Variants in TSFM observed in about 807,000 individuals in gnomAD.
TSFM encodes the protein Ts translation elongation factor, mitochondrial, also known as elongation factor Ts, mitochondrial.
In TSFM, 29 loss-of-function variants were observed where a neutral mutation model predicts 33.4. That is an observed-to-expected ratio of 0.87 (90% confidence interval 0.65 to 1.18). The LOEUF (loss-of-function observed/expected upper bound fraction) is 1.18, where lower values mean the gene tolerates loss of function less well. TSFM is among the 50% of genes most tolerant of loss of function. TSFM has a pLI of 0.00. For synonymous variants in TSFM, 178 were observed against 163.5 expected (o/e 1.09, Z -0.68); for missense variants, 394 against 395.6 (o/e 1.00, Z 0.04).
chr12:57,802,140 TC>T (rs1220502552), downstream of TSFM: 2 of 1,612,778 alleles, frequency 1.2e-6, no homozygotes, highest in Non-Finnish European at 1.7e-6. Flanking sequence ...AGTTAGAGCT[TC>T]CCTACTCTCT....
chr12:57,787,012 A>G (rs1955599376), intron 3 of TSFM, 28 bp from the exon 4 acceptor site: 1 of 1,609,692 alleles, frequency 6.2e-7, no homozygotes, highest in Non-Finnish European at 8.5e-7. Context: ...TAAACAGCTT[A>G]TACAGCTATA....
downstream of TSFM, among the ~76,000 whole-genome samples, chr12:57,798,866 C>T (rs1429854688): frequency 3.3e-5 from 5 of 152,128 alleles, no homozygotes; most frequent in African/African-American, 4.8e-5. Flanking sequence ...CCACCCACCT[C>T]ACCCTCCCAA....
Position 57,797,258 on chromosome 12 carries a change from A to G in TSFM, c.*675A>G, listed in dbSNP as rs1955754804. The G allele has an allele frequency of 4.1e-6, 4 of 985,352 alleles. No individual in the cohort carries two copies. Among genetic ancestry groups the G allele is most frequent in the Non-Finnish European group, 3.6e-6 (3 of 829,952 alleles). 61.0% of individuals were successfully genotyped at this position (985,352 alleles called of 1,614,324 possible). On this transcript the variant is annotated 3_prime_UTR_variant, in exon 6 of 6. Transcript: ENST00000652027. ...CCAGAAACAGAAATTAGAGTAGTCC[A>G]GTTACCCAGAGAGCTCACTTAACAT...
chr12:57,789,224 A>G (rs757963761), intron 4 of TSFM, among the ~76,000 whole-genome samples: 15 of 152,050 alleles, frequency 9.9e-5, no homozygotes, highest in South Asian at 2.1e-4. Flanking sequence ...TGGGCCTCCC[A>G]AAGTGCTGGG....
At chr12:57,795,966 A>G (rs1251102613) in intron 5 of TSFM, among the ~76,000 whole-genome samples, 1 of 152,108 alleles carries the variant, frequency 6.6e-6, no homozygotes, top group East Asian at 1.9e-4. Flanking sequence ...TCATAAAGGT[A>G]TTCTTCACTT....
chr12:57,797,602 C>G, downstream of TSFM: 2 of 929,062 alleles, frequency 2.2e-6, no homozygotes, highest in South Asian at 5.1e-5. Flanking sequence ...GGTTCTCTTT[C>G]TTTTGATTTC....
At chr12:57,784,363 A>G (rs1225327546) in intron 2 of TSFM, among the ~76,000 whole-genome samples, 2 of 152,218 alleles carry the variant, frequency 1.3e-5, no homozygotes, top group African/African-American at 2.4e-5. Flanking sequence ...GTAGACGTTA[A>G]AGCACAGTAC....
In TSFM at chr12:57,783,257, G is replaced by C; in HGVS notation, c.205G>C (p.Glu69Gln). 1 of 1,613,930 alleles carries C rather than the reference G, an allele frequency of 6.2e-7. No individual in the cohort carries two copies. Among genetic ancestry groups the C allele is most frequent in the South Asian group, 1.1e-5 (1 of 91,090 alleles). Residue 69 changes from glutamate to glutamine, a missense_variant, in exon 2 of 6, where the codon GAG becomes CAG. By Grantham distance (29) the Glu-to-Gln change is conservative (BLOSUM62 2). This residue lies in a region of TSFM where 208 missense variants were observed against 180.4 expected (regional missense o/e 1.15). Transcript: ENST00000652027. ...CTTTGTAAATTGCAAGAAAGCTCTG[G>C]AGACTTGTGGCGGGGACCTCAAACA... The part of the protein sequence containing the change: ...YSFVNCKKAL[E>Q]TCGGDLKQAE...
intron 4 of TSFM, among the ~76,000 whole-genome samples, chr12:57,791,518 T>C (rs1401986577): frequency 1.3e-5 from 2 of 152,242 alleles, no homozygotes; most frequent in African/African-American, 2.4e-5. Flanking sequence ...AGCATATTTA[T>C]ACAAATAGTT....
chr12:57,792,955 C>A, intron 4 of TSFM, 31 bp from the exon 5 acceptor site: 1 of 1,591,894 alleles, frequency 6.3e-7, no homozygotes, highest in Non-Finnish European at 8.6e-7. Flanking sequence ...AGTACAGAAT[C>A]AGTTCATGTT....
At chr12:57,799,685 C>T, downstream of TSFM, 2 of 1,478,390 alleles carry the variant, frequency 1.4e-6, no homozygotes, top group Non-Finnish European at 1.8e-6. Flanking sequence ...GCTCAGATGT[C>T]CATTGAGCGG....
Position 57,786,069 on chromosome 12 carries a change from T to A in TSFM, c.232-94T>A, listed in dbSNP as rs556684930. On this transcript the variant is annotated intron_variant, in intron 2 of 5. Transcript: ENST00000652027. ...ATTACTTTAGTTTCTGTTAGAGAAT[T>A]TAGAGAATCAGGAAACCTGAGTATA... 4.3e-6 allele frequency: 6 copies of A among 1,380,440 alleles called. No individual in the cohort carries two copies. In the Admixed American group the frequency reaches 1.2e-4, roughly 28 times the overall value. 85.5% of individuals were successfully genotyped at this position (1,380,440 alleles called of 1,614,324 possible). A position where few individuals can be genotyped will look rare whatever the true frequency, so the allele number is the denominator to read the frequency against.
At chr12:57,799,700 A>G (rs1030805360), downstream of TSFM, 1 of 1,543,788 alleles carries the variant, frequency 6.5e-7, no homozygotes, top group Non-Finnish European at 8.8e-7. Flanking sequence ...GAGCGGCTAC[A>G]ATGTGCCGGA....
chr12:57,798,086 G>A (rs560190779), downstream of TSFM: 6 of 817,934 alleles, frequency 7.3e-6, no homozygotes, highest in African/African-American at 1.7e-5. Context: ...GGGAGTTCTA[G>A]GTGGATCCTT....
intron 2 of TSFM, chr12:57,784,059 G>T: frequency 1.4e-6 from 1 of 702,864 alleles, no homozygotes; most frequent in Non-Finnish European, 2.6e-6. Context: ...CACAAACCTA[G>T]ATGGTATATT....
chr12:57,802,012 G>GA, downstream of TSFM: 1 of 919,754 alleles, frequency 1.1e-6, no homozygotes, highest in Admixed American at 2.9e-5. Context: ...AAAAAGAGGA[G>GA]AAAAGTAAAA....
rs373254431 is a variant in TSFM at position 57,783,171 on chromosome 12, T to A, written c.119T>A (p.Leu40Gln). The A allele has an allele frequency of 6.2e-7, 1 of 1,613,560 alleles. No individual in the cohort carries two copies. Among genetic ancestry groups the A allele is most frequent in the Non-Finnish European group, 8.5e-7 (1 of 1,179,900 alleles). ...CACACATTTTATGCTGGGCCCCGTC[T>A]GTCTGCCTCGGCCTCCAGCAAGGAG... is the stretch of plus-strand genomic sequence containing the variant. ...PRHTFYAGPRLSASASSKELL... is the reference protein window; with the variant it reads ...PRHTFYAGPRQSASASSKELL... Residue 40 changes from leucine (L) to glutamine (Q), a missense_variant, in exon 2 of 6, where the codon CTG becomes CAG. Physicochemically the swap from Leu to Gln is moderately radical, Grantham distance 113. Around this residue, in one of 3 missense-constraint regions of TSFM, gnomAD observed 208 missense variants for 180.4 expected, o/e 1.15. Coordinates refer to ENST00000652027, the MANE Select transcript of TSFM (RefSeq NM_005726.6).
Position 57,785,426 on chromosome 12 carries a change from C to G in TSFM, c.232-737C>G, listed in dbSNP as rs143037648. ...ATAACAATGTTTTTTTCTGGAATAC[C>G]TCTTGAAGGACCTGCCTGAAGCTGT... On this transcript the variant is annotated intron_variant, in intron 2 of 5. Transcript: ENST00000652027. 4.9e-3 allele frequency among the ~76,000 whole-genome samples: 742 copies of G among 152,110 alleles called. 13 individuals are homozygous for G. Among genetic ancestry groups the G allele is most frequent in the Middle Eastern group, 0.044 (13 of 294 alleles).
At chr12:57,802,302 C>A (rs374532704), downstream of TSFM, 277 of 1,613,860 alleles carry the variant, frequency 1.7e-4, 2 homozygotes, top group South Asian at 7.6e-4. Flanking sequence ...GGCAAGGGCA[C>A]TCTCCTTCTC....
Sources: allele counts gnomAD v4.1 joint callset (sites outside exome capture counted in the v4.1 genomes callset), GRCh38; gene constraint gnomAD v4.1.1; regional missense constraint gnomAD v4.1.1; transcripts MANE v1.5; gene names NCBI Gene and HGNC (gene_info 2026-07-23, HGNC 2026-07-21).